CTCFL: variants seen among roughly 807,000 people sequenced by gnomAD.
The protein encoded by CTCFL is CCCTC-binding factor like, also known as transcriptional repressor CTCFL.
CTCFL carries 36 observed loss-of-function variants against 67.4 expected under a neutral mutation model. That is an observed-to-expected ratio of 0.53 (90% CI 0.41 to 0.71). The LOEUF (loss-of-function observed/expected upper bound fraction) is 0.71. Ranked by LOEUF, CTCFL falls within the 30% of genes least tolerant of loss-of-function variation. The probability of loss-of-function intolerance (pLI) is 0.00; values close to 1 mark genes in which losing one functional copy is unlikely to be tolerated. For synonymous variants in CTCFL, 324 were observed against 302.3 expected (o/e 1.07, Z -0.75); for missense variants, 786 against 835.2 (o/e 0.94, Z 0.73).
chr20:57,512,825 A>C, intron 7 of CTCFL, 73 bp from the exon 8 acceptor site: 42 of 1,429,804 alleles, frequency 2.9e-5, no homozygotes, highest in Non-Finnish European at 3.3e-5. Flanking sequence ...TCTCCTCTAA[A>C]CCGGGGTTTC....
chr20:57,503,714 C>T (rs980876205), intron 9 of CTCFL, 113 bp from the exon 10 acceptor site: 79 of 1,131,402 alleles, frequency 7.0e-5, no homozygotes, highest in Admixed American at 2.1e-4. Flanking sequence ...TGAGTTCTTT[C>T]GAGGGCAATT....
At chr20:57,513,468 T>C (rs1304144650) in intron 7 of CTCFL, 1 of 995,428 alleles carries the variant, frequency 1.0e-6, no homozygotes, top group Non-Finnish European at 1.2e-6. Flanking sequence ...CATACAGTCA[T>C]GGGAAGGAAG....
chr20:57,508,244 G>T (rs2068329533), intron 9 of CTCFL, among the ~76,000 whole-genome samples: 1 of 152,048 alleles, frequency 6.6e-6, no homozygotes, highest in Non-Finnish European at 1.5e-5. Flanking sequence ...AGGGACATCT[G>T]AAAAAATGTG....
intron 8 of CTCFL, among the ~76,000 whole-genome samples, chr20:57,509,561 C>T (rs887308601): frequency 9.9e-5 from 15 of 151,834 alleles, no homozygotes; most frequent in Non-Finnish European, 1.8e-4. Flanking sequence ...CTGTACCTGG[C>T]CTAAATAGAG....
intron 7 of CTCFL, 27 bp from the exon 8 acceptor site, chr20:57,512,779 C>G (rs200988739): frequency 1.9e-5 from 31 of 1,605,672 alleles, no homozygotes; most frequent in Non-Finnish European, 2.6e-5. Flanking sequence ...ACATTATATA[C>G]TTCAAGAGTG....
chr20:57,503,362 AC>A (rs1568851128), intron 10 of CTCFL, 73 bp downstream of exon 10: 5 of 1,563,324 alleles, frequency 3.2e-6, no homozygotes, highest in Non-Finnish European at 3.5e-6. Context: ...CTGGACAGTA[AC>A]ACTCGGCACC....
At chr20:57,502,537 T>A (rs978688522) in intron 10 of CTCFL, among the ~76,000 whole-genome samples, 1 of 146,186 alleles carries the variant, frequency 6.8e-6, no homozygotes, top group Non-Finnish European at 1.5e-5. Context: ...GAGTCTGGAA[T>A]GAGAACGTGG....
Position 57,498,147 on chromosome 20 carries a change from G to C in CTCFL, c.*403C>G. 1 of 988,948 alleles carries C rather than the reference G, an allele frequency of 1.0e-6. No homozygotes were observed. Among genetic ancestry groups the C allele is most frequent in the Non-Finnish European group, 1.2e-6 (1 of 832,258 alleles). 61.3% of individuals were successfully genotyped at this position (988,948 alleles called of 1,614,324 possible). On this transcript the variant is annotated 3_prime_UTR_variant, in exon 11 of 11. Coordinates refer to ENST00000243914, the MANE Select transcript of CTCFL (RefSeq NM_001386993.1). Reference sequence around the variant, plus strand: ...AGCTTTGACTGTGGAAGCACTAGCTGGTCTAGACTATTTTGAAATATCCAA... The same window carrying C: ...AGCTTTGACTGTGGAAGCACTAGCTCGTCTAGACTATTTTGAAATATCCAA...
intron 8 of CTCFL, among the ~76,000 whole-genome samples, chr20:57,511,753 A>G (rs993979839): frequency 6.6e-6 from 1 of 151,968 alleles, no homozygotes; most frequent in African/African-American, 2.4e-5. Flanking sequence ...CACCACGCCC[A>G]ACTAATTTTT....
chr20:57,498,899 C>G (rs745689217), intron 10 of CTCFL, among the ~76,000 whole-genome samples, 198 bp from the exon 11 acceptor site: 23 of 152,174 alleles, frequency 1.5e-4, no homozygotes, highest in Non-Finnish European at 2.8e-4. Flanking sequence ...AGCCTCAGCG[C>G]TACAGACGTT....
intron 7 of CTCFL, chr20:57,513,886 G>T (rs1334702479): frequency 7.8e-7 from 1 of 1,289,016 alleles, no homozygotes; most frequent in African/African-American, 1.5e-5. Flanking sequence ...AAACAAAGAA[G>T]AGGCTCGTTC....
Position 57,508,666 on chromosome 20 carries a change from A to G in CTCFL, c.1614T>C (p.Asp538=). Residue 538 remains aspartate, a synonymous_variant, in exon 9 of 11, where the codon GAT becomes GAC. Coordinates refer to ENST00000243914, the MANE Select transcript of CTCFL (RefSeq NM_001386993.1). The part of the protein sequence containing the change: ...LLNAHFRKYH[D]ANFIPTVYKC... ...TGTAAACAGTCGGGATGAAATTTGC[A>G]TCGTGGTATTTCCTGAAGTGAGCGT... 1 of 1,614,176 alleles carries G rather than the reference A, an allele frequency of 6.2e-7. No homozygotes were observed. Among genetic ancestry groups the G allele is most frequent in the Non-Finnish European group, 8.5e-7 (1 of 1,180,048 alleles).
chr20:57,510,943 A>G lies in CTCFL; in HGVS notation c.1491+1649T>C, dbSNP rs530834313. ...CTGGAGTATGTTAAGTGATAAAGAA[A>G]ATTTGGTCTCACAGACATGTAGTTT... On this transcript the variant is annotated intron_variant, in intron 8 of 10. Transcript: ENST00000243914. Among the ~76,000 whole-genome samples the G allele has an allele frequency of 1.4e-3, 211 of 152,342 alleles. 1 individual carries two copies. The highest frequency in any genetic ancestry group is 0.01 in the Middle Eastern group (3 of 294).
intron 9 of CTCFL, among the ~76,000 whole-genome samples, chr20:57,504,650 C>T (rs1046854091): frequency 7.2e-5 from 11 of 151,820 alleles, no homozygotes; most frequent in South Asian, 2.1e-4. Flanking sequence ...ACAGGTCCAC[C>T]GGCAGGGAGA....
chr20:57,510,645 C>T (rs181117054), intron 8 of CTCFL, among the ~76,000 whole-genome samples: 2 of 152,228 alleles, frequency 1.3e-5, no homozygotes, highest in African/African-American at 4.8e-5. Context: ...GGGCAGATCA[C>T]GAGGTCAGGA....
Position 57,524,055 on chromosome 20 carries a change from G to A in CTCFL, c.151C>T (p.Arg51Cys). The A allele has an allele frequency of 1.5e-5, 24 of 1,613,602 alleles. No individual in the cohort carries two copies. Among genetic ancestry groups the A allele is most frequent in the Non-Finnish European group, 1.9e-5 (23 of 1,179,970 alleles). Residue 51 changes from arginine to cysteine, a missense_variant, in exon 2 of 11, where the codon CGT becomes TGT. Around this residue, in one of 3 missense-constraint regions of CTCFL, gnomAD observed 333 missense variants for 304.6 expected, o/e 1.09. Transcript: ENST00000243914. ...CTGTCCTGGAAGGCCCCAGAGGTAC[G>A]CTCGGCCTCCAACTCACTAGGGCTC... ...HRSPSELEAERTSGAFQDSVL... is the reference protein window; with the variant it reads ...HRSPSELEAECTSGAFQDSVL...
At chr20:57,514,803 T>TG in intron 6 of CTCFL, 62 bp from the exon 7 acceptor site, 1 of 1,512,618 alleles carries the variant, frequency 6.6e-7, no homozygotes, top group Non-Finnish European at 8.9e-7. Flanking sequence ...AGGCCACCTG[T>TG]GCTGAAAGTG....
downstream of CTCFL, chr20:57,496,243 C>G: frequency 1.5e-6 from 1 of 657,620 alleles, no homozygotes; most frequent in Admixed American, 2.2e-5. Context: ...CTCTCTCGCT[C>G]CTGCTTTCAC....
rs148253828 is a variant in CTCFL, at chr20:57,521,311, T to C, written c.754+1757A>G. On this transcript the variant is annotated intron_variant, in intron 3 of 10. Transcript: ENST00000243914. ...AGTGACCAATGAAAACATGAGGAGA[T>C]AGTCAACACCTTTCGTCATTAGAGA... 3.3e-3 allele frequency among the ~76,000 whole-genome samples: 505 copies of C among 152,336 alleles called. 5 individuals carry two copies. Among genetic ancestry groups the C allele is most frequent in the Non-Finnish European group, 5.1e-3 (350 of 68,038 alleles).
Sources: gnomAD v4.1 joint callset for allele counts (sites outside exome capture counted in the v4.1 genomes callset) on GRCh38, gnomAD v4.1.1 for gene constraint, gnomAD v4.1.1 regional missense constraint, MANE v1.5 for transcripts, NCBI Gene and HGNC (gene_info 2026-07-23, HGNC 2026-07-21) for gene names.